The following MAPK8IP3 variants were observed in gnomAD, a reference collection of about 807,000 sequenced individuals.
MAPK8IP3 encodes mitogen-activated protein kinase 8 interacting protein 3, also known as C-Jun-amino-terminal kinase-interacting protein 3.
MAPK8IP3 carries 49 observed loss-of-function variants against 157.8 expected under a neutral mutation model. The observed-to-expected ratio is 0.31, with a 90% CI of 0.25 to 0.39. MAPK8IP3 has a LOEUF of 0.39. Ranked by LOEUF, MAPK8IP3 falls within the 10% of genes least tolerant of loss-of-function variation. MAPK8IP3 has a pLI of 1.00. For synonymous variants in MAPK8IP3, 897 were observed against 777.7 expected (o/e 1.15, Z -2.55); for missense variants, 1,478 against 1,889.4 (o/e 0.78, Z 4.04).
At position 1,764,096 on chromosome 16, in the gene MAPK8IP3, G is replaced by T; in HGVS notation, c.2026-19G>T. On this transcript the variant is annotated intron_variant, in intron 17 of 31. Transcript: ENST00000610761. Reference sequence around the variant, plus strand: ...AGGAGCCAGGGTTCGTGCCCACGGCGCCTCCCTGCTCCCTGCAGCTGAGTC... The same window carrying T: ...AGGAGCCAGGGTTCGTGCCCACGGCTCCTCCCTGCTCCCTGCAGCTGAGTC... 1.9e-6 allele frequency: 3 copies of T among 1,582,388 alleles called. No homozygotes were observed. Among genetic ancestry groups the T allele is most frequent in the Non-Finnish European group, 1.7e-6 (2 of 1,161,828 alleles).
intron 4 of MAPK8IP3, among the ~76,000 whole-genome samples, chr16:1,738,763 G>C (rs796458423): frequency 3.1e-5 from 4 of 131,144 alleles, no homozygotes; most frequent in South Asian, 2.5e-4. Context: ...GTCCGTGTGA[G>C]CGTCCGTGTG....
chr16:1,727,295 C>T (rs771833707), intron 2 of MAPK8IP3, among the ~76,000 whole-genome samples: 42 of 133,620 alleles, frequency 3.1e-4, no homozygotes, highest in Non-Finnish European at 6.3e-4. Flanking sequence ...CTGTGTGCAG[C>T]GTCTGTGTGA....
At position 1,747,157 on chromosome 16, in the gene MAPK8IP3, C is replaced by T; in HGVS notation, c.876C>T (p.Ser292=). Residue 292 remains serine, a synonymous_variant, in exon 6 of 32, where the codon AGC becomes AGT. Coordinates refer to ENST00000610761, the MANE Select transcript of MAPK8IP3 (RefSeq NM_001318852.2). ...CCGCCGTCACACCCCTCAACGAGAG[C>T]CTGCAGCCCCTGGGGGACTATGGCG... The part of the protein sequence containing the change: ...PSAAVTPLNE[S]LQPLGDYGVG... 3 of 1,614,054 alleles carry T rather than the reference C, an allele frequency of 1.9e-6. No individual in the cohort carries two copies. Among genetic ancestry groups the T allele is most frequent in the Non-Finnish European group, 2.5e-6 (3 of 1,180,016 alleles).
At chr16:1,765,379 G>C (rs1360788180) in intron 20 of MAPK8IP3, among the ~76,000 whole-genome samples, 1 of 152,212 alleles carries the variant, frequency 6.6e-6, no homozygotes, top group Non-Finnish European at 1.5e-5. Flanking sequence ...GGCAGCCTCG[G>C]CCTCTTCTCC....
chr16:1,747,412 C>A, intron 6 of MAPK8IP3, 137 bp downstream of exon 6: 1 of 1,303,046 alleles, frequency 7.7e-7, no homozygotes, highest in Non-Finnish European at 1.0e-6. Flanking sequence ...GGCTGGGGTC[C>A]AAGATCAAGG....
chr16:1,754,629 G>A (rs542601490), intron 8 of MAPK8IP3, among the ~76,000 whole-genome samples: 3 of 152,020 alleles, frequency 2.0e-5, no homozygotes, highest in East Asian at 1.9e-4. Context: ...AAAATTACCC[G>A]GGTGTGGTGG....
In MAPK8IP3 at chr16:1,742,430, G is replaced by C. The variant is rs1039419682; in HGVS notation, c.603-902G>C. Among the ~76,000 whole-genome samples, 12 of 152,164 alleles carry C rather than the reference G, an allele frequency of 7.9e-5. No individual in the cohort carries two copies. The highest frequency in any genetic ancestry group is 1.4e-4 in the African/African-American group (6 of 41,438). ...TGTCCCAGGGTCCGTCTTCAGGTTC[G>C]GGGCTCCCTGACAGCAGAGAGGACA... On this transcript the variant is annotated intron_variant, in intron 4 of 31. Coordinates refer to ENST00000610761, the MANE Select transcript of MAPK8IP3 (RefSeq NM_001318852.2). The surrounding 1 kb of genome is among the most constrained non-coding windows in gnomAD (Gnocchi z 5.0).
chr16:1,721,224 T>G lies in MAPK8IP3; in HGVS notation c.319-3333T>G, dbSNP rs183171267. Among the ~76,000 whole-genome samples the G allele has an allele frequency of 2.7e-5, 4 of 150,198 alleles. No individual in the cohort carries two copies. In the East Asian group the frequency reaches 5.9e-4, roughly 22 times the overall value. ...GGCGCATGCCTGTAATCCCAACTAC[T>G]CGGGAGGCTGAGGCAGGAGAATCAC... is the stretch of plus-strand genomic sequence containing the variant. On this transcript the variant is annotated intron_variant, in intron 1 of 31. Transcript: ENST00000610761.
intron 8 of MAPK8IP3, among the ~76,000 whole-genome samples, chr16:1,757,462 C>T (rs569751676): frequency 1.2e-3 from 177 of 152,270 alleles, no homozygotes; most frequent in Middle Eastern, 6.8e-3. Context: ...AGAAGAGAAC[C>T]GCGTCCTCAC....
intron 8 of MAPK8IP3, 144 bp from the exon 9 acceptor site, chr16:1,758,004 T>C (rs1396991398): frequency 1.1e-5 from 9 of 808,160 alleles, no homozygotes; most frequent in Non-Finnish European, 1.8e-5. Context: ...TGGAGGCTGC[T>C]CCCTCTCTCT....
In MAPK8IP3 at chr16:1,768,370, C is replaced by G. The variant is rs1367045214; in HGVS notation, c.3734C>G (p.Ser1245Trp). 5.0e-6 allele frequency: 8 copies of G among 1,600,456 alleles called. No homozygotes were observed. Among genetic ancestry groups the G allele is most frequent in the Non-Finnish European group, 6.8e-6 (8 of 1,179,144 alleles). Residue 1245 changes from serine (S) to tryptophan (W), a missense_variant, in exon 30 of 32, where the codon TCG becomes TGG. Ser to Trp is a radical substitution (Grantham distance 177). Transcript: ENST00000610761. ...GHRDAVKFFV[S>W]VPGNVLATLN... is the part of the protein sequence containing the mutation. ...CGCGATGCCGTGAAGTTCTTTGTCT[C>G]GGTGCCAGGTGAGGCTGGGCCCCTC...
At chr16:1,719,770 C>T (rs899077502) in intron 1 of MAPK8IP3, among the ~76,000 whole-genome samples, 1 of 151,676 alleles carries the variant, frequency 6.6e-6, no homozygotes, top group African/African-American at 2.4e-5. Context: ...CGCTTGAGCC[C>T]GCGAGGTCAA....
rs576844092 is a variant in MAPK8IP3, at chr16:1,735,585, C to G, written c.602+6007C>G. On this transcript the variant is annotated intron_variant, in intron 4 of 31. Coordinates refer to ENST00000610761, the MANE Select transcript of MAPK8IP3 (RefSeq NM_001318852.2). ...ACCGTCCATGTGAGAGTCCGTGTGA[C>G]CATCCGTGTGAGCATCCGTGTGACC... Among the ~76,000 whole-genome samples, 44 of 137,752 alleles carry G rather than the reference C, an allele frequency of 3.2e-4. 1 individual carries two copies. The South Asian group carries it at 7.8e-3, about 25-fold the overall frequency. The allele number at this position is 137,752 out of a possible 152,430, so 90.4% of individuals were successfully genotyped here.
chr16:1,715,450 C>T (rs1055488653), intron 1 of MAPK8IP3, among the ~76,000 whole-genome samples: 1 of 152,138 alleles, frequency 6.6e-6, no homozygotes, highest in African/African-American at 2.4e-5. Context: ...CACAGCCATG[C>T]GAGGTCCCTG....
intron 4 of MAPK8IP3, among the ~76,000 whole-genome samples, chr16:1,737,087 TGTGA>T (rs1174234744): frequency 1.4e-4 from 12 of 83,534 alleles, no homozygotes; most frequent in East Asian, 1.3e-3. Context: ...TGACCGTCCG[TGTGA>T]GTGTGACCAT....
At chr16:1,721,210 G>A (rs2038497337) in intron 1 of MAPK8IP3, among the ~76,000 whole-genome samples, 1 of 151,054 alleles carries the variant, frequency 6.6e-6, no homozygotes, top group Admixed American at 6.6e-5. Flanking sequence ...GCGCATGCCT[G>A]TAATCCCAAC....
chr16:1,713,573 G>A (rs949216205), intron 1 of MAPK8IP3: 4 of 152,234 alleles, frequency 2.6e-5, no homozygotes, highest in Non-Finnish European at 4.4e-5. Flanking sequence ...AAAGAGGGGA[G>A]ATCCCGTAGC....
intron 14 of MAPK8IP3, 96 bp downstream of exon 14, chr16:1,762,577 C>G: frequency 6.4e-7 from 1 of 1,566,556 alleles, no homozygotes; most frequent in Non-Finnish European, 8.7e-7. Context: ...TCTGGGGGGA[C>G]TGAAGTGCGC....
At chr16:1,761,146 G>T in intron 12 of MAPK8IP3, 78 bp from the exon 13 acceptor site, 1 of 1,143,968 alleles carries the variant, frequency 8.7e-7, no homozygotes. Context: ...CACAGGTTCG[G>T]GGCGGGCACT....
Sources: gnomAD v4.1 joint callset for allele counts (sites outside exome capture counted in the v4.1 genomes callset) on GRCh38, gnomAD v4.1.1 for gene constraint, Gnocchi (gnomAD v3.1) non-coding constraint, MANE v1.5 for transcripts, NCBI Gene and HGNC (gene_info 2026-07-23, HGNC 2026-07-21) for gene names.